SLC4A7: variants seen among roughly 807,000 people sequenced by gnomAD.
SLC4A7 encodes the protein sodium bicarbonate cotransporter 3.
In SLC4A7, 51 loss-of-function variants were observed where a neutral mutation model predicts 137.6. That is an observed-to-expected ratio of 0.37 (90% CI 0.30 to 0.47). SLC4A7 has a LOEUF of 0.47. SLC4A7 is among the 20% of genes least tolerant of loss of function. The probability of loss-of-function intolerance (pLI) is 1.00; values close to 1 mark genes in which losing one functional copy is unlikely to be tolerated. For missense variants in SLC4A7, 1,247 were observed against 1,525.4 expected (o/e 0.82, Z 3.04); for synonymous variants, 542 against 518.6 (o/e 1.05, Z -0.61).
At chr3:27,412,760 G>A (rs559259346) in intron 11 of SLC4A7, among the ~76,000 whole-genome samples, 1 of 151,780 alleles carries the variant, frequency 6.6e-6, no homozygotes, top group South Asian at 2.1e-4. Context: ...TCATTTAATT[G>A]AATTGATTAA....
intron 12 of SLC4A7, among the ~76,000 whole-genome samples, chr3:27,411,212 T>C (rs1393088730): frequency 2.6e-5 from 4 of 152,170 alleles, no homozygotes; most frequent in African/African-American, 9.6e-5. Context: ...CATGGAAGAT[T>C]ACCTCATGAT....
At chr3:27,413,540 C>A (rs1322210087) in intron 11 of SLC4A7, among the ~76,000 whole-genome samples, 3 of 152,106 alleles carry the variant, frequency 2.0e-5, no homozygotes, top group Non-Finnish European at 4.4e-5. Flanking sequence ...ACTGGGTTGA[C>A]TCCAGGAATT....
Position 27,397,602 on chromosome 3 carries a change from A to G in SLC4A7, c.2703+82T>C, listed in dbSNP as rs545412850. On this transcript the variant is annotated intron_variant, in intron 18 of 25. Coordinates refer to ENST00000454389, the MANE Select transcript of SLC4A7 (RefSeq NM_001321103.2). ...AAAGAGACTACATACTTTTAAAACA[A>G]TAACTACTGAGAAAATAGTATCTTG... The G allele has an allele frequency of 9.4e-5, 67 of 712,820 alleles. 1 individual carries two copies. The highest frequency in any genetic ancestry group is 8.1e-4 in the South Asian group (48 of 59,100). The allele number at this position is 712,820 out of a possible 1,614,324, so 44.2% of individuals were successfully genotyped here.
At position 27,414,695 on chromosome 3, in the gene SLC4A7, C is replaced by G. The variant is rs528464096; in HGVS notation, c.1660-2947G>C. On this transcript the variant is annotated intron_variant, in intron 11 of 25. Coordinates refer to ENST00000454389, the MANE Select transcript of SLC4A7 (RefSeq NM_001321103.2). ...GCTGATATCAATTTGTTTTCTGGCA[C>G]TACTACTTCTATATCTTTGTCCTCA... is the stretch of plus-strand genomic sequence containing the variant. Among the ~76,000 whole-genome samples the G allele has an allele frequency of 2.0e-4, 31 of 152,304 alleles. No homozygotes were observed. The South Asian group carries it at 2.9e-3, about 14-fold the overall frequency.
At chr3:27,383,302 G>C (rs755331664) in intron 23 of SLC4A7, 52 bp from the exon 24 acceptor site, 2 of 1,277,562 alleles carry the variant, frequency 1.6e-6, no homozygotes, top group Non-Finnish European at 2.3e-6. Context: ...TTTTCCAAGA[G>C]AATTGACTAA....
intron 11 of SLC4A7, among the ~76,000 whole-genome samples, chr3:27,414,205 G>A (rs747439469): frequency 2.6e-5 from 4 of 152,084 alleles, no homozygotes; most frequent in Non-Finnish European, 4.4e-5. Flanking sequence ...ACCTGAACCC[G>A]GGAGGCAGAG....
chr3:27,457,774 A>G (rs1210604800), intron 1 of SLC4A7, among the ~76,000 whole-genome samples: 1 of 152,176 alleles, frequency 6.6e-6, no homozygotes, highest in African/African-American at 2.4e-5. Flanking sequence ...CTTGTTAATA[A>G]TATCACCAAC....
chr3:27,431,376 GA>G lies in SLC4A7; in HGVS notation c.1071del (p.His358IlefsTer7). On this transcript the variant is annotated frameshift_variant, in exon 7 of 26. Coordinates refer to ENST00000454389, the MANE Select transcript of SLC4A7 (RefSeq NM_001321103.2). LOFTEE classifies it high-confidence loss of function. ...PASDDIPTVVIHPPEEDLEAA... is the reference protein window; with the variant it reads ...PASDDIPTVVXHPPEEDLEAA... ...GCTTCTAAGTCTTCCTCAGGCGGAT[GA>G]ATTACTACTGTGGGAATATCATCAC... 1.2e-6 allele frequency: 2 copies of G among 1,613,690 alleles called. No individual in the cohort carries two copies. Among genetic ancestry groups the G allele is most frequent in the Non-Finnish European group, 1.7e-6 (2 of 1,179,736 alleles).
intron 1 of SLC4A7, among the ~76,000 whole-genome samples, chr3:27,461,134 GAAC>G (rs1341953363): frequency 6.6e-6 from 1 of 151,650 alleles, no homozygotes; most frequent in East Asian, 1.9e-4. Flanking sequence ...AATGAAAACA[GAAC>G]AAAAAAACAA....
chr3:27,416,170 A>G (rs2054366278), intron 11 of SLC4A7, among the ~76,000 whole-genome samples: 1 of 152,216 alleles, frequency 6.6e-6, no homozygotes, highest in Non-Finnish European at 1.5e-5. Context: ...TTTAGGGTAA[A>G]CACAATTTAC....
Position 27,453,485 on chromosome 3 carries a change from C to T in SLC4A7, c.61-987G>A, listed in dbSNP as rs181762199. On this transcript the variant is annotated intron_variant, in intron 1 of 25. Transcript: ENST00000454389. ...AAAATTAGCCAGGTGTGGTGGCACG[C>T]GCCTGTAATCCCAGCTACTCAGGAG... Among the ~76,000 whole-genome samples the T allele has an allele frequency of 1.8e-4, 27 of 152,210 alleles. No individual in the cohort carries two copies. In the East Asian group the frequency reaches 4.9e-3, roughly 27 times the overall value.
intron 1 of SLC4A7, among the ~76,000 whole-genome samples, chr3:27,454,548 AG>A (rs2058290137): frequency 6.6e-6 from 1 of 152,242 alleles, no homozygotes; most frequent in Non-Finnish European, 1.5e-5. Context: ...CTCAGTAACA[AG>A]GAAAAGCCAA....
chr3:27,481,341 T>TA (rs577674575), intron 1 of SLC4A7, among the ~76,000 whole-genome samples: 118 of 152,368 alleles, frequency 7.7e-4, no homozygotes, highest in African/African-American at 2.6e-3. Context: ...CCATAGAGGC[T>TA]AAACTATGAA....
chr3:27,409,236 T>C (rs2053676636), intron 13 of SLC4A7, 120 bp downstream of exon 13: 1 of 722,946 alleles, frequency 1.4e-6, no homozygotes. Context: ...CTGCTTTGGG[T>C]CACGTTAATC....
rs779940746 is a variant in SLC4A7 at position 27,433,987 on chromosome 3, C to T, written c.707G>A (p.Arg236Gln). 6.2e-6 allele frequency: 10 copies of T among 1,613,764 alleles called. No individual in the cohort carries two copies. Among genetic ancestry groups the T allele is most frequent in the Non-Finnish European group, 7.6e-6 (9 of 1,179,870 alleles). Residue 236 changes from arginine to glutamine, a missense_variant, in exon 6 of 26, where the codon CGG (arginine) becomes CAG (glutamine). Physicochemically the swap from Arg to Gln is conservative, Grantham distance 43. Around this residue, in one of 6 missense-constraint regions of SLC4A7, gnomAD observed 223 missense variants for 203.6 expected, o/e 1.10. Coordinates refer to ENST00000454389, the MANE Select transcript of SLC4A7 (RefSeq NM_001321103.2). The part of the protein sequence containing the change: ...HHQNEKRFTS[R>Q]IPLVRSFADI... Reference sequence around the variant, plus strand: ...TGCAAAAGATCGAACAAGAGGAATCCGACTGGTGAATCTTTTCTCATTCTG... The same window carrying T: ...TGCAAAAGATCGAACAAGAGGAATCTGACTGGTGAATCTTTTCTCATTCTG...
chr3:27,420,539 C>T (rs763215930), intron 10 of SLC4A7, among the ~76,000 whole-genome samples, 161 bp downstream of exon 10: 3 of 152,058 alleles, frequency 2.0e-5, no homozygotes, highest in Non-Finnish European at 4.4e-5. Flanking sequence ...AAAAACCTAA[C>T]CGAAGGCAAA....
chr3:27,459,012 T>G (rs187542903), intron 1 of SLC4A7, among the ~76,000 whole-genome samples: 1 of 152,048 alleles, frequency 6.6e-6, no homozygotes, highest in East Asian at 1.9e-4. Context: ...AAAAATTAAA[T>G]TAAAAAAAAT....
chr3:27,465,460 A>G (rs896921138), intron 1 of SLC4A7, among the ~76,000 whole-genome samples: 1 of 139,526 alleles, frequency 7.2e-6, no homozygotes, highest in Non-Finnish European at 1.5e-5. Flanking sequence ...CTAAAACTGA[A>G]CTGGTAGGCA....
Position 27,434,070 on chromosome 3 carries a change from T to C in SLC4A7, c.624A>G (p.Gln208=), listed in dbSNP as rs1030388162. The C allele has an allele frequency of 5.6e-6, 9 of 1,613,464 alleles. No homozygotes were observed. The highest frequency in any genetic ancestry group is 1.7e-5 in the Admixed American group (1 of 59,978). Residue 208 remains glutamine (Q), a synonymous_variant, in exon 6 of 26, where the codon CAA becomes CAG. Coordinates refer to ENST00000454389, the MANE Select transcript of SLC4A7 (RefSeq NM_001321103.2). ...CATTCTCTCGTATGGACTCGTCTAA[T>C]TGGCCAGAAGCTATCATGTTGTCTA... is the stretch of plus-strand genomic sequence containing the variant. ...MVLDNMIASG[Q]LDESIRENVR...
Sources: gnomAD v4.1 joint callset for allele counts (sites outside exome capture counted in the v4.1 genomes callset) on GRCh38, gnomAD v4.1.1 for gene constraint, gnomAD v4.1.1 regional missense constraint, MANE v1.5 for transcripts, NCBI Gene and HGNC (gene_info 2026-07-23, HGNC 2026-07-21) for gene names.